The following TJP3 variants were observed in gnomAD, a reference collection of about 807,000 sequenced individuals.
The protein encoded by TJP3 is tight junction protein 3.
TJP3 carries 85 observed loss-of-function variants against 104.2 expected under a neutral mutation model. The ratio of observed to expected loss-of-function variants is 0.82; its 90% CI spans 0.68 to 0.98. The LOEUF (loss-of-function observed/expected upper bound fraction) is 0.98. Ranked by LOEUF, TJP3 falls within the 50% of genes least tolerant of loss-of-function variation. The pLI is 0.00. For synonymous variants in TJP3, 550 were observed against 550.6 expected, an observed-to-expected ratio of 1.00 and a Z score of 0.02; for missense variants, 1,367 against 1,322.8, an observed-to-expected ratio of 1.03 and a Z score of -0.52.
At position 3,730,517 on chromosome 19, in the gene TJP3, T is replaced by C. The variant is rs746956817; in HGVS notation, c.424T>C (p.Trp142Arg). The change falls in exon 5 of 21, where the codon TGG becomes CGG. Residue 142 changes from tryptophan to arginine, a missense_variant. Coordinates refer to ENST00000541714, the MANE Select transcript of TJP3 (RefSeq NM_001267560.2). This position sits in a 1 kb window ranked among gnomAD's most constrained non-coding sequence, Gnocchi z 7.3. ...GDSSSGSGRSWDERSRRPRPG... is the reference protein window; with the variant it reads ...GDSSSGSGRSRDERSRRPRPG... ...CTCATCCAGTGGCTCCGGCCGCTCCTGGGACGAGCGCTCCCGCCGGCCGAG... is the reference window on the plus strand; with the variant it reads ...CTCATCCAGTGGCTCCGGCCGCTCCCGGGACGAGCGCTCCCGCCGGCCGAG... 2 of 1,592,798 alleles carry C rather than the reference T, an allele frequency of 1.3e-6. No individual in the cohort carries two copies. Among genetic ancestry groups the C allele is most frequent in the Non-Finnish European group, 1.7e-6 (2 of 1,171,802 alleles).
Position 3,739,143 on chromosome 19 carries a change from T to C in TJP3, c.1631+9T>C, listed in dbSNP as rs1299575858. The stretch of plus-strand genomic sequence containing the variant: ...ATTCCCAACCAGAGCAGGTGGGGAC[T>C]GTGTGCTCCTGCAGTGGGGCACTTC... On this transcript the variant is annotated intron_variant, in intron 13 of 20. Transcript: ENST00000541714. 6.6e-7 allele frequency: 1 copy of C among 1,520,314 alleles called. No individual in the cohort carries two copies. Among genetic ancestry groups the C allele is most frequent in the South Asian group, 1.3e-5 (1 of 78,746 alleles). The allele number at this position is 1,520,314 out of a possible 1,614,324, so 94.2% of individuals were successfully genotyped here.
At chr19:3,708,842 G>C (rs1382689632) in intron 1 of TJP3, among the ~76,000 whole-genome samples, 1 of 152,150 alleles carries the variant, frequency 6.6e-6, no homozygotes, top group African/African-American at 2.4e-5. Flanking sequence ...CCGGGGAGGC[G>C]GCAAAGGGGC....
intron 1 of TJP3, among the ~76,000 whole-genome samples, chr19:3,721,300 G>A (rs1599145505): frequency 6.6e-6 from 1 of 152,180 alleles, no homozygotes; most frequent in Admixed American, 6.6e-5. Context: ...TATCTTCAGA[G>A]TCCACGCCTC....
chr19:3,720,614 C>T (rs978811742), intron 1 of TJP3, among the ~76,000 whole-genome samples: 6 of 151,768 alleles, frequency 4.0e-5, no homozygotes, highest in South Asian at 4.2e-4. Context: ...CACAGCTGGG[C>T]GCAGGTTTTT....
Position 3,747,979 on chromosome 19 carries a change from GC to G in TJP3, c.2513del (p.Pro838ArgfsTer56). 4 of 1,612,452 alleles carry G rather than the reference GC, an allele frequency of 2.5e-6. No homozygotes were observed. The highest frequency in any genetic ancestry group is 1.1e-5 in the South Asian group (1 of 91,028). Reference protein sequence around the residue: ...GGPYTDVDDEPPAPALARSSE... With the variant: ...GGPYTDVDDEXPAPALARSSE... Reference sequence around the variant, plus strand: ...GGCCCTACACGGATGTGGATGATGAGCCCCCGGCTCCAGCCCTGGCCCGGTC... The same window carrying G: ...GGCCCTACACGGATGTGGATGATGAGCCCCGGCTCCAGCCCTGGCCCGGTC... On this transcript the variant is annotated frameshift_variant, in exon 19 of 21. Transcript: ENST00000541714. LOFTEE classifies it high-confidence loss of function.
chr19:3,729,781 C>A (rs79519259), intron 3 of TJP3, among the ~76,000 whole-genome samples: 832 of 120,198 alleles, frequency 6.9e-3, no homozygotes, highest in Non-Finnish European at 6.7e-3. Context: ...GACTCTGTCT[C>A]AAAAAAAAAA....
chr19:3,726,552 T>C (rs2036597611), intron 1 of TJP3, among the ~76,000 whole-genome samples: 1 of 151,366 alleles, frequency 6.6e-6, no homozygotes. Flanking sequence ...TGAGCCAAGT[T>C]GGCACCATTG....
chr19:3,749,164 G>C (rs960823799), intron 19 of TJP3, among the ~76,000 whole-genome samples: 2 of 151,856 alleles, frequency 1.3e-5, no homozygotes, highest in Admixed American at 6.6e-5. Context: ...CACCGCACCT[G>C]GCCTCCAGCC....
intron 3 of TJP3, among the ~76,000 whole-genome samples, chr19:3,729,163 C>T (rs187376996): frequency 1.2e-3 from 185 of 152,294 alleles, no homozygotes; most frequent in African/African-American, 3.0e-3. Flanking sequence ...ACTTGGGCCT[C>T]ACTTCCCTAA....
rs1380886560 is a variant in TJP3, at chr19:3,713,712, A to ATTC, written c.-10+5153_-10+5154insCTT. ...CTGTAACTTTAAAATTATTATTATT[A>ATTC]TTTATTTATTTCTTTTTTTGAGACA... On this transcript the variant is annotated intron_variant, in intron 1 of 20. Transcript: ENST00000541714. Among the ~76,000 whole-genome samples, 7 of 151,786 alleles carry ATTC rather than the reference A, an allele frequency of 4.6e-5. No individual in the cohort carries two copies. In the South Asian group the frequency reaches 6.3e-4, roughly 14 times the overall value.
At chr19:3,714,806 T>C (rs543014019) in intron 1 of TJP3, among the ~76,000 whole-genome samples, 1 of 151,972 alleles carries the variant, frequency 6.6e-6, no homozygotes, top group Non-Finnish European at 1.5e-5. Context: ...AGCTGGCTCA[T>C]CCCAGGGAGG....
intron 7 of TJP3, 80 bp from the exon 8 acceptor site, chr19:3,734,247 G>C: frequency 7.0e-7 from 1 of 1,422,480 alleles, no homozygotes; most frequent in South Asian, 1.2e-5. Context: ...GTTTAGAGGG[G>C]TGTTGATATA....
At chr19:3,712,329 C>T (rs1451010798) in intron 1 of TJP3, among the ~76,000 whole-genome samples, 1 of 151,960 alleles carries the variant, frequency 6.6e-6, no homozygotes, top group African/African-American at 2.4e-5. Context: ...AATGTCATTC[C>T]GTGCCCAGAA....
chr19:3,732,719 GGC>G (rs528229360), intron 6 of TJP3, among the ~76,000 whole-genome samples: 100 of 152,164 alleles, frequency 6.6e-4, no homozygotes, highest in Non-Finnish European at 9.0e-4. Context: ...ATGTTGGCCA[GGC>G]TGGTCTCGAA....
intron 19 of TJP3, among the ~76,000 whole-genome samples, chr19:3,749,255 TG>T (rs1568389986): frequency 6.6e-6 from 1 of 152,178 alleles, no homozygotes; most frequent in Non-Finnish European, 1.5e-5. Flanking sequence ...CACAGGGCGG[TG>T]GTGAGCACTC....
chr19:3,749,019 C>CA (rs2036949661), intron 19 of TJP3, among the ~76,000 whole-genome samples: 1 of 151,520 alleles, frequency 6.6e-6, no homozygotes. Context: ...CCACCATGCC[C>CA]AGCTAATTTT....
chr19:3,716,078 T>C (rs2036474726), intron 1 of TJP3, among the ~76,000 whole-genome samples: 1 of 120,528 alleles, frequency 8.3e-6, no homozygotes, highest in Admixed American at 8.4e-5. Flanking sequence ...CACGCCCGAC[T>C]TGTTTTATTT....
At chr19:3,725,322 G>C (rs1039356004) in intron 1 of TJP3, among the ~76,000 whole-genome samples, 1 of 151,874 alleles carries the variant, frequency 6.6e-6, no homozygotes, top group African/African-American at 2.4e-5. Context: ...AACAGGGCAG[G>C]CTGCCAAGTT....
At position 3,730,613 on chromosome 19, in the gene TJP3, C is replaced by G; in HGVS notation, c.520C>G (p.Leu174Val). ...SPGGGSEANG[L>V]ALVSGFKRLP... is the part of the protein sequence containing the mutation. Reference sequence around the variant, plus strand: ...AGGTGGTGGCTCTGAGGCCAACGGGCTGGCCCTGGTGTCCGGCTTTAAGCG... The same window carrying G: ...AGGTGGTGGCTCTGAGGCCAACGGGGTGGCCCTGGTGTCCGGCTTTAAGCG... Residue 174 changes from leucine to valine, a missense_variant, in exon 5 of 21, where the codon CTG (leucine) becomes GTG (valine). Transcript: ENST00000541714. This position sits in a 1 kb window ranked among gnomAD's most constrained non-coding sequence, Gnocchi z 7.3. 6.2e-7 allele frequency: 1 copy of G among 1,611,772 alleles called. No individual in the cohort carries two copies. Among genetic ancestry groups the G allele is most frequent in the Non-Finnish European group, 8.5e-7 (1 of 1,179,896 alleles).
Sources: allele counts gnomAD v4.1 joint callset (sites outside exome capture counted in the v4.1 genomes callset), GRCh38; gene constraint gnomAD v4.1.1; non-coding constraint Gnocchi (gnomAD v3.1); transcripts MANE v1.5; gene names NCBI Gene and HGNC (gene_info 2026-07-23, HGNC 2026-07-21).